PHLDB2: variants seen among roughly 807,000 people sequenced by gnomAD.
PHLDB2 encodes the protein pleckstrin homology-like domain family B member 2.
Under a neutral mutation model 123.6 loss-of-function variants are expected in PHLDB2, and 71 were observed. The observed-to-expected ratio is 0.57, with a 90% CI of 0.47 to 0.70. PHLDB2 has a LOEUF of 0.70. PHLDB2 is among the 30% of genes least tolerant of loss of function. PHLDB2 has a pLI of 0.00. For missense variants in PHLDB2, 1,446 were observed against 1,519.5 expected (o/e 0.95, Z 0.80); for synonymous variants, 547 against 541.6 (o/e 1.01, Z -0.14).
chr3:111,873,315 A>G (rs999479431), intron 1 of PHLDB2, among the ~76,000 whole-genome samples: 1 of 150,082 alleles, frequency 6.7e-6, no homozygotes, highest in African/African-American at 2.4e-5. Context: ...AAGTGGTGGC[A>G]CTTCCTGGGG....
rs535747358 is a variant in PHLDB2, at chr3:111,950,937, A to G, written c.2632-1635A>G. On this transcript the variant is annotated intron_variant, in intron 10 of 17. Transcript: ENST00000431670. ...TGATGTTAGGTTTATTTCTTTAACA[A>G]CTTCATTCAAGAAATCTCTAGTAGC... Among the ~76,000 whole-genome samples the G allele has an allele frequency of 8.9e-4, 136 of 152,350 alleles. 3 individuals are homozygous for G. The South Asian group carries it at 0.012, about 14-fold the overall frequency.
rs577222214 is a variant in PHLDB2, at chr3:111,896,201, C to T, written c.1335+10789C>T. ...CTCCTGGCCTCAAGTGATTTGCTCCCCTTAGCCTCTGAAACTATTGGGATT... is the reference window on the plus strand; with the variant it reads ...CTCCTGGCCTCAAGTGATTTGCTCCTCTTAGCCTCTGAAACTATTGGGATT... On this transcript the variant is annotated intron_variant, in intron 2 of 17. Transcript: ENST00000431670. 1.2e-4 allele frequency among the ~76,000 whole-genome samples: 18 copies of T among 152,200 alleles called. No homozygotes were observed. The South Asian group carries it at 2.9e-3, about 25-fold the overall frequency.
intron 1 of PHLDB2, among the ~76,000 whole-genome samples, chr3:111,735,505 A>T (rs1210039570): frequency 6.6e-6 from 1 of 152,226 alleles, no homozygotes; most frequent in East Asian, 1.9e-4. Flanking sequence ...TCATGAAATG[A>T]GGTCGACTAA....
intron 1 of PHLDB2, among the ~76,000 whole-genome samples, chr3:111,830,938 A>G (rs1411397259): frequency 4.2e-5 from 5 of 119,964 alleles, no homozygotes; most frequent in Non-Finnish European, 8.2e-5. Flanking sequence ...AAGAAAGAAA[A>G]GAAGGAAAGA....
At chr3:111,757,826 G>A (rs1278563094) in intron 1 of PHLDB2, among the ~76,000 whole-genome samples, 4 of 152,152 alleles carry the variant, frequency 2.6e-5, no homozygotes, top group Non-Finnish European at 4.4e-5. Flanking sequence ...TCTAACAACA[G>A]ACCTCAGCTG....
intron 1 of PHLDB2, among the ~76,000 whole-genome samples, chr3:111,749,734 ATGAAAGAGCC>A (rs1369820018): frequency 1.3e-5 from 2 of 152,196 alleles, no homozygotes; most frequent in Non-Finnish European, 2.9e-5. Context: ...AATGGCCCAA[ATGAAAGAGCC>A]TTTTTTCTTT....
At chr3:111,918,988 A>G (rs2068343491) in intron 3 of PHLDB2, 84 bp from the exon 4 acceptor site, 1 of 1,400,450 alleles carries the variant, frequency 7.1e-7, no homozygotes. Context: ...GTGAGACCCT[A>G]GACCTGTGGA....
rs1316081651 is a variant in PHLDB2 at position 111,884,429 on chromosome 3, C to T, written c.352C>T (p.Leu118Phe). 1 of 1,614,204 alleles carries T rather than the reference C, an allele frequency of 6.2e-7. No homozygotes were observed. The highest frequency in any genetic ancestry group is 1.7e-5 in the Admixed American group (1 of 60,024). ...TCCTTTACTCAACACTACATCCTCC[C>T]TCAGTGGATATCCACTTGGAAGAGC... ...PTPLLNTTSS[L>F]SGYPLGRADF... is the part of the protein sequence containing the mutation. Residue 118 changes from leucine (L) to phenylalanine (F), a missense_variant, in exon 2 of 18, where the codon CTC becomes TTC. Physicochemically the swap from Leu to Phe is conservative, Grantham distance 22 (BLOSUM62 0). Around this residue, in one of 3 missense-constraint regions of PHLDB2, gnomAD observed 832 missense variants for 831.9 expected, o/e 1.00. Transcript: ENST00000431670.
chr3:111,780,402 A>AGAAG (rs2060414666), intron 1 of PHLDB2, among the ~76,000 whole-genome samples: 2 of 145,814 alleles, frequency 1.4e-5, no homozygotes, highest in Non-Finnish European at 3.0e-5. Context: ...AAGAAGAAGA[A>AGAAG]GAAGAAGAAA....
chr3:111,924,007 C>T (rs1490851885), intron 5 of PHLDB2, among the ~76,000 whole-genome samples: 1 of 152,096 alleles, frequency 6.6e-6, no homozygotes, highest in African/African-American at 2.4e-5. Flanking sequence ...TTTCTGTCAC[C>T]ACCCTCCCAT....
chr3:111,952,145 G>A (rs1047823304), intron 10 of PHLDB2, among the ~76,000 whole-genome samples: 2 of 152,062 alleles, frequency 1.3e-5, no homozygotes, highest in South Asian at 2.1e-4. Context: ...CTGTTTACTC[G>A]CTTTTTCTCT....
intron 13 of PHLDB2, among the ~76,000 whole-genome samples, chr3:111,964,113 T>C (rs1330725139): frequency 1.3e-5 from 2 of 152,216 alleles, no homozygotes; most frequent in East Asian, 3.8e-4. Context: ...TGACATTAAA[T>C]ACTATTAGTA....
chr3:111,943,301 G>A (rs768132658), intron 8 of PHLDB2, among the ~76,000 whole-genome samples: 1 of 152,138 alleles, frequency 6.6e-6, no homozygotes, highest in Non-Finnish European at 1.5e-5. Flanking sequence ...TCAAAGAAAT[G>A]ATGCTGGATC....
rs2072043219 is a variant in PHLDB2, at chr3:111,969,691, C to T, written c.3317C>T (p.Ala1106Val). ...VKIRERQRAQ[A>V]RPLTRYLPVR... ...GCAATGGGTTTTGCACTTTTCCAGG[C>T]TCGTCCTTTGACACGCTACCTGCCT... Residue 1106 changes from alanine (A) to valine (V), a missense_variant and splice_region_variant, in exon 16 of 18, where the codon GCT becomes GTT. Physicochemically the swap from Ala to Val is moderately conservative, Grantham distance 64 (BLOSUM62 0). Transcript: ENST00000431670. 4 of 1,613,598 alleles carry T rather than the reference C, an allele frequency of 2.5e-6. No homozygotes were observed. The highest frequency in any genetic ancestry group is 3.4e-6 in the Non-Finnish European group (4 of 1,179,622).
intron 1 of PHLDB2, chr3:111,732,793 G>C: frequency 8.6e-7 from 1 of 1,162,552 alleles, no homozygotes. Flanking sequence ...TTCTGAGGAG[G>C]GTCTGCTGGA....
rs1027168981 is a variant in PHLDB2 at position 111,739,178 on chromosome 3, T to C, written c.-49+6475T>C. 2.0e-5 allele frequency among the ~76,000 whole-genome samples: 3 copies of C among 152,130 alleles called. No individual in the cohort carries two copies. In the South Asian group the frequency reaches 6.2e-4, roughly 31 times the overall value. On this transcript the variant is annotated intron_variant, in intron 1 of 17. Coordinates refer to the PHLDB2 transcript ENST00000393923. ...TATCTAGGGAGATCATTCCTATCTC[T>C]TGGGTAAATAAGGGGAATGAAAAAG... is the stretch of plus-strand genomic sequence containing the variant.
intron 5 of PHLDB2, among the ~76,000 whole-genome samples, chr3:111,921,296 C>T (rs1012710702): frequency 2.0e-5 from 3 of 152,162 alleles, no homozygotes; most frequent in Admixed American, 6.5e-5. Flanking sequence ...AGCTTTAACA[C>T]ATTCTTCCTT....
At chr3:111,952,855 T>C in intron 11 of PHLDB2, 143 bp downstream of exon 11, 2 of 1,020,172 alleles carry the variant, frequency 2.0e-6, no homozygotes, top group Non-Finnish European at 2.8e-6. Flanking sequence ...GGACTAAATC[T>C]CATTTTCTAC....
chr3:111,842,948 A>G (rs2063758169), intron 1 of PHLDB2, among the ~76,000 whole-genome samples: 1 of 152,172 alleles, frequency 6.6e-6, no homozygotes. Flanking sequence ...ATTCCTTTGT[A>G]TTGCTGAATA....
Sources: gnomAD v4.1 joint callset for allele counts (sites outside exome capture counted in the v4.1 genomes callset) on GRCh38, gnomAD v4.1.1 for gene constraint, gnomAD v4.1.1 regional missense constraint, MANE v1.5 for transcripts, NCBI Gene and HGNC (gene_info 2026-07-23, HGNC 2026-07-21) for gene names.